The following TSPAN5 variants were observed in gnomAD, a reference collection of about 807,000 sequenced individuals.
TSPAN5 encodes tetraspanin 5, also known as tetraspanin-5.
A neutral mutation model predicts 37.1 loss-of-function variants in TSPAN5; 10 were observed. The ratio of observed to expected loss-of-function variants is 0.27; its 90% CI spans 0.17 to 0.46. The LOEUF (loss-of-function observed/expected upper bound fraction) is 0.46. Ranked by LOEUF, TSPAN5 falls within the 20% of genes least tolerant of loss-of-function variation. The pLI is 1.00. For synonymous variants in TSPAN5, 110 were observed against 118.9 expected, an observed-to-expected ratio of 0.93 and a Z score of 0.48; for missense variants, 195 against 326.6, an observed-to-expected ratio of 0.60 and a Z score of 3.11.
intron 1 of TSPAN5, among the ~76,000 whole-genome samples, chr4:98,512,102 A>G (rs1753620305): frequency 6.6e-6 from 1 of 152,222 alleles, no homozygotes; most frequent in African/African-American, 2.4e-5. Context: ...AGTCCCAGCT[A>G]CTTGGGAGGC....
intron 1 of TSPAN5, among the ~76,000 whole-genome samples, chr4:98,513,400 GA>G (rs1753656014): frequency 6.6e-6 from 1 of 152,164 alleles, no homozygotes; most frequent in African/African-American, 2.4e-5. Flanking sequence ...CTGGGCCGCA[GA>G]AAAGATTAGA....
intron 1 of TSPAN5, among the ~76,000 whole-genome samples, chr4:98,611,559 C>T (rs1313605169): frequency 6.6e-6 from 1 of 152,170 alleles, no homozygotes. Flanking sequence ...ATGCCAGATG[C>T]TTACCAACAT....
intron 1 of TSPAN5, 34 bp downstream of exon 1, chr4:98,658,112 C>T: frequency 6.4e-7 from 1 of 1,573,812 alleles, no homozygotes; most frequent in South Asian, 1.1e-5. Context: ...CGATCGGCCA[C>T]AATAGTTGGA....
At chr4:98,612,066 A>C (rs1483304208) in intron 1 of TSPAN5, among the ~76,000 whole-genome samples, 1 of 152,250 alleles carries the variant, frequency 6.6e-6, no homozygotes, top group Non-Finnish European at 1.5e-5. Context: ...TCCTAATTCT[A>C]CACAGACACT....
chr4:98,553,319 T>G (rs1468293073), intron 1 of TSPAN5, among the ~76,000 whole-genome samples: 4 of 152,152 alleles, frequency 2.6e-5, no homozygotes, highest in Non-Finnish European at 5.9e-5. Flanking sequence ...AACTCTAAAT[T>G]GCATCTTAAA....
intron 1 of TSPAN5, among the ~76,000 whole-genome samples, chr4:98,644,972 T>C (rs375228958): frequency 7.9e-5 from 12 of 152,204 alleles, no homozygotes; most frequent in African/African-American, 2.2e-4. Context: ...ACCTCACTAA[T>C]AGATTTCAGT....
chr4:98,633,972 A>C (rs1756801475), intron 1 of TSPAN5, among the ~76,000 whole-genome samples: 1 of 152,004 alleles, frequency 6.6e-6, no homozygotes, highest in African/African-American at 2.4e-5. Flanking sequence ...CCAGCTACTC[A>C]GGAAGATGAG....
At chr4:98,544,040 T>C (rs1279915492) in intron 1 of TSPAN5, among the ~76,000 whole-genome samples, 3 of 151,902 alleles carry the variant, frequency 2.0e-5, no homozygotes, top group Non-Finnish European at 2.9e-5. Context: ...ATTAGCCAAG[T>C]GTGGTAGTGC....
intron 4 of TSPAN5, among the ~76,000 whole-genome samples, chr4:98,481,003 C>A (rs1027537760): frequency 6.6e-6 from 1 of 152,008 alleles, no homozygotes; most frequent in African/African-American, 2.4e-5. Context: ...AACTATCCAA[C>A]CCCAAGAAGG....
At chr4:98,568,072 C>G (rs1333227756) in intron 1 of TSPAN5, among the ~76,000 whole-genome samples, 1 of 152,142 alleles carries the variant, frequency 6.6e-6, no homozygotes, top group African/African-American at 2.4e-5. Context: ...ATCACCTACG[C>G]AGAATCTTGC....
chr4:98,578,117 T>A (rs1421744378), intron 1 of TSPAN5, among the ~76,000 whole-genome samples: 1 of 152,200 alleles, frequency 6.6e-6, no homozygotes, highest in Non-Finnish European at 1.5e-5. Flanking sequence ...AGGAAAGGAA[T>A]GCAAGCAGTT....
At chr4:98,489,085 C>G (rs1368464440) in intron 2 of TSPAN5, among the ~76,000 whole-genome samples, 3 of 152,086 alleles carry the variant, frequency 2.0e-5, no homozygotes, top group African/African-American at 7.2e-5. Flanking sequence ...AGACTTTAAG[C>G]TTAATTATGG....
intron 7 of TSPAN5, 61 bp from the exon 8 acceptor site, chr4:98,472,648 T>C (rs1297851546): frequency 7.2e-7 from 1 of 1,394,390 alleles, no homozygotes; most frequent in Non-Finnish European, 1.0e-6. Flanking sequence ...CCCTGGCCAC[T>C]GTGTCCCATT....
intron 1 of TSPAN5, among the ~76,000 whole-genome samples, chr4:98,607,712 ATTT>A (rs199535963): frequency 6.9e-6 from 1 of 145,390 alleles, no homozygotes; most frequent in Admixed American, 6.9e-5. Context: ...CTTAAATGAA[ATTT>A]TTTTTTTTTT....
intron 2 of TSPAN5, among the ~76,000 whole-genome samples, chr4:98,491,724 C>A (rs1169323049): frequency 6.6e-6 from 1 of 150,612 alleles, no homozygotes; most frequent in Non-Finnish European, 1.5e-5. Flanking sequence ...ATAATCCTGA[C>A]AACAGTGATT....
chr4:98,578,790 C>T (rs1755304193), intron 1 of TSPAN5, among the ~76,000 whole-genome samples: 1 of 152,110 alleles, frequency 6.6e-6, no homozygotes, highest in Admixed American at 6.6e-5. Context: ...GTAGACAGTG[C>T]CACTTTTCCT....
chr4:98,533,734 TAG>T (rs1754159610), intron 1 of TSPAN5, among the ~76,000 whole-genome samples: 1 of 148,612 alleles, frequency 6.7e-6, no homozygotes, highest in Non-Finnish European at 1.5e-5. Context: ...GTATTTTTAG[TAG>T]AGACAGGGTT....
At chr4:98,557,491 C>T (rs940062010) in intron 1 of TSPAN5, among the ~76,000 whole-genome samples, 4 of 152,168 alleles carry the variant, frequency 2.6e-5, no homozygotes, top group African/African-American at 7.2e-5. Context: ...TAAGTATTCA[C>T]TCAATAATGA....
intron 1 of TSPAN5, among the ~76,000 whole-genome samples, chr4:98,604,367 C>G (rs144949417): frequency 3.3e-5 from 5 of 152,314 alleles, no homozygotes; most frequent in African/African-American, 1.2e-4. Flanking sequence ...TAATGCTAAG[C>G]AGATTCTTAC....
Sources: gnomAD v4.1 joint callset for allele counts (sites outside exome capture counted in the v4.1 genomes callset) on GRCh38, gnomAD v4.1.1 for gene constraint, MANE v1.5 for transcripts, NCBI Gene and HGNC (gene_info 2026-07-23, HGNC 2026-07-21) for gene names.